The following FGF1 variants were observed in gnomAD, a reference collection of about 807,000 sequenced individuals.
The protein encoded by FGF1 is fibroblast growth factor 1.
FGF1 carries 9 observed loss-of-function variants against 13.4 expected under a neutral mutation model. That is an observed-to-expected ratio of 0.67 (90% CI 0.40 to 1.17). The LOEUF is 1.17. FGF1 is among the 50% of genes most tolerant of loss of function. FGF1 has a pLI of 0.01. For missense variants in FGF1, 156 were observed against 192.7 expected, an observed-to-expected ratio of 0.81 and a Z score of 1.13; for synonymous variants, 93 against 79.0, an observed-to-expected ratio of 1.18 and a Z score of -0.94.
chr5:142,612,972 T>G (rs375832588), intron 2 of FGF1, among the ~76,000 whole-genome samples: 1 of 152,244 alleles, frequency 6.6e-6, no homozygotes, highest in Non-Finnish European at 1.5e-5. Context: ...GTGAGTGTTT[T>G]GCATTGCATT....
intron 2 of FGF1, among the ~76,000 whole-genome samples, chr5:142,613,630 G>A (rs896186552): frequency 1.3e-5 from 2 of 152,336 alleles, no homozygotes; most frequent in Non-Finnish European, 2.9e-5. Flanking sequence ...GCAGGCCCCT[G>A]ACTAGCCTTC....
intron 2 of FGF1, among the ~76,000 whole-genome samples, chr5:142,696,023 G>A (rs1036458745): frequency 1.3e-5 from 2 of 152,124 alleles, no homozygotes; most frequent in East Asian, 3.9e-4. Context: ...GAGGGAGAAG[G>A]GAGACCCATG....
chr5:142,667,177 G>A (rs533274275), intron 1 of FGF1, among the ~76,000 whole-genome samples: 4 of 152,092 alleles, frequency 2.6e-5, no homozygotes, highest in East Asian at 1.9e-4. Flanking sequence ...CCAGCTACTC[G>A]GAAGGCTGAG....
intron 2 of FGF1, among the ~76,000 whole-genome samples, chr5:142,610,069 C>T (rs778908830): frequency 6.6e-6 from 1 of 152,202 alleles, no homozygotes; most frequent in Admixed American, 6.5e-5. Flanking sequence ...GTGCCAAGCC[C>T]TCCCAGTTAG....
At chr5:142,612,736 C>T (rs1243322620) in intron 2 of FGF1, among the ~76,000 whole-genome samples, 1 of 150,374 alleles carries the variant, frequency 6.7e-6, no homozygotes, top group Non-Finnish European at 1.5e-5. Flanking sequence ...AGCTGCAAGC[C>T]CCAGCCTCAG....
intron 1 of FGF1, among the ~76,000 whole-genome samples, chr5:142,679,206 C>T (rs1773240717): frequency 6.6e-6 from 1 of 152,224 alleles, no homozygotes; most frequent in South Asian, 2.1e-4. Context: ...CTCTCCCCTT[C>T]ATCCCTGCAC....
At chr5:142,628,715 G>A (rs1436924649) in intron 1 of FGF1, among the ~76,000 whole-genome samples, 3 of 152,048 alleles carry the variant, frequency 2.0e-5, no homozygotes, top group Non-Finnish European at 4.4e-5. Context: ...CATGTCCACT[G>A]CCCCCTGTCA....
intron 3 of FGF1, among the ~76,000 whole-genome samples, chr5:142,598,933 TAA>T (rs1755866960): frequency 6.6e-6 from 1 of 152,150 alleles, no homozygotes; most frequent in Non-Finnish European, 1.5e-5. Context: ...GGAAAAGCCA[TAA>T]AACTGTGGCA....
chr5:142,613,999 A>G lies in FGF1; in HGVS notation c.129T>C (p.Asp43=). The stretch of plus-strand genomic sequence containing the variant: ...TGTCCCTTGTCCCATCCACTGTGCC[A>G]TCCGGAAGGATCCTCAGGAAGTGGC... ...NGGHFLRILP[D]GTVDGTRDRS... Residue 43 remains aspartate (D), a synonymous_variant, in exon 2 of 4, where the codon GAT becomes GAC. Transcript: ENST00000337706. The G allele has an allele frequency of 1.2e-6, 2 of 1,614,142 alleles. No homozygotes were observed. Among genetic ancestry groups the G allele is most frequent in the Non-Finnish European group, 1.7e-6 (2 of 1,180,024 alleles).
intron 1 of FGF1, among the ~76,000 whole-genome samples, chr5:142,622,871 C>G (rs751239138): frequency 6.6e-6 from 1 of 152,230 alleles, no homozygotes; most frequent in East Asian, 1.9e-4. Context: ...TGCCCCCAAA[C>G]CAGTTCTGTT....
In FGF1 at chr5:142,597,015, C is replaced by T. The variant is rs17217506; in HGVS notation, c.274-1531G>A. On this transcript the variant is annotated intron_variant, in intron 3 of 3. Transcript: ENST00000337706. ...CTATGAAAACATTCAATACTGCTAA[C>T]GAGAAAAATGCAAATTAAAAATTAT... is the stretch of plus-strand genomic sequence containing the variant. Among the ~76,000 whole-genome samples, 20 of 151,880 alleles carry T rather than the reference C, an allele frequency of 1.3e-4. No individual in the cohort carries two copies. In the East Asian group the frequency reaches 1.5e-3, roughly 12 times the overall value.
intron 1 of FGF1, among the ~76,000 whole-genome samples, chr5:142,672,334 C>G (rs1457658677): frequency 6.6e-6 from 1 of 152,042 alleles, no homozygotes; most frequent in Admixed American, 6.5e-5. Flanking sequence ...TACTCATTAA[C>G]TGAACAATTT....
upstream of FGF1, among the ~76,000 whole-genome samples, chr5:142,688,712 A>AT (rs1751659501): frequency 1.3e-5 from 2 of 152,368 alleles, no homozygotes; most frequent in South Asian, 4.1e-4. Flanking sequence ...ACCAAAAAAA[A>AT]TTCTAGTAGG....
intron 3 of FGF1, among the ~76,000 whole-genome samples, chr5:142,600,357 GT>G (rs1756236479): frequency 6.6e-6 from 1 of 152,016 alleles, no homozygotes; most frequent in African/African-American, 2.4e-5. Context: ...GCCAGACCCT[GT>G]CTCAAAGTGA....
chr5:142,694,690 G>A (rs1272246416), intron 2 of FGF1, among the ~76,000 whole-genome samples: 1 of 152,182 alleles, frequency 6.6e-6, no homozygotes, highest in Non-Finnish European at 1.5e-5. Flanking sequence ...CTGACCGGCA[G>A]CCCAAGGGGC....
chr5:142,685,126 C>A, intron 1 of FGF1, among the ~76,000 whole-genome samples: 1 of 152,182 alleles, frequency 6.6e-6, no homozygotes. Context: ...TCCTCTGCAG[C>A]AGCCTTGCAT....
intron 1 of FGF1, among the ~76,000 whole-genome samples, chr5:142,682,766 G>A (rs1412403140): frequency 6.6e-6 from 1 of 152,220 alleles, no homozygotes; most frequent in Non-Finnish European, 1.5e-5. Context: ...AACTCAAGAA[G>A]CTCACTTCTG....
intron 3 of FGF1, among the ~76,000 whole-genome samples, 188 bp from the exon 4 acceptor site, chr5:142,595,672 C>T (rs566563677): frequency 6.6e-5 from 10 of 152,224 alleles, no homozygotes; most frequent in East Asian, 5.8e-4. Context: ...AGAACAGCAC[C>T]GGGCACTAAA....
chr5:142,644,805 G>A (rs1458520124), intron 1 of FGF1, among the ~76,000 whole-genome samples: 3 of 152,216 alleles, frequency 2.0e-5, no homozygotes, highest in Admixed American at 6.5e-5. Flanking sequence ...TGGGCAGAGT[G>A]CATGGCACAT....
Sources: allele counts gnomAD v4.1 joint callset (sites outside exome capture counted in the v4.1 genomes callset), GRCh38; gene constraint gnomAD v4.1.1; transcripts MANE v1.5; gene names NCBI Gene and HGNC (gene_info 2026-07-23, HGNC 2026-07-21).